The following ZNF532 variants were observed in gnomAD, a reference collection of about 807,000 sequenced individuals.
ZNF532 encodes the protein zinc finger protein 532.
A neutral mutation model predicts 89.3 loss-of-function variants in ZNF532; 22 were observed. The ratio of observed to expected loss-of-function variants is 0.25; its 90% CI spans 0.18 to 0.35. ZNF532 has a LOEUF of 0.35. Ranked by LOEUF, ZNF532 falls within the 10% of genes least tolerant of loss-of-function variation. The pLI is 1.00. For synonymous variants in ZNF532, 606 were observed against 649.6 expected (o/e 0.93, Z 1.02); for missense variants, 1,132 against 1,643.4 (o/e 0.69, Z 5.38).
chr18:58,962,040 A>G (rs925611818), intron 7 of ZNF532, among the ~76,000 whole-genome samples: 6 of 152,142 alleles, frequency 3.9e-5, no homozygotes, highest in Non-Finnish European at 7.4e-5. Flanking sequence ...AGCCTGGCCA[A>G]TATGGTGAAA....
At chr18:58,888,912 T>TATAA (rs1194564362) in intron 2 of ZNF532, among the ~76,000 whole-genome samples, 3 of 92,738 alleles carry the variant, frequency 3.2e-5, no homozygotes, top group East Asian at 2.8e-4. Flanking sequence ...TATATATATA[T>TATAA]AATTCATACA....
Position 58,981,620 on chromosome 18 carries a change from C to G in ZNF532, c.3411+3C>G. The G allele has an allele frequency of 6.2e-7, 1 of 1,614,020 alleles. No individual in the cohort carries two copies. Among genetic ancestry groups the G allele is most frequent in the East Asian group, 2.2e-5 (1 of 44,840 alleles). ...CAGAAATAAAAGAAGACACTAAGGT[C>G]TAACATTGCAGATGTTTGCTTTACA... On this transcript the variant is annotated splice_donor_region_variant and intron_variant, in intron 9 of 9. Coordinates refer to ENST00000591808, the MANE Select transcript of ZNF532 (RefSeq NM_001375912.1).
At chr18:58,964,531 TTGTTTGTGTGTGTGTGTGTGTGTGTG>T (rs1490411698) in intron 7 of ZNF532, among the ~76,000 whole-genome samples, 1 of 136,914 alleles carries the variant, frequency 7.3e-6, no homozygotes, top group Non-Finnish European at 1.5e-5. Flanking sequence ...AATTGATATT[TTGTTTGTGTGTGTGTGTGTGTGTGTG>T]TGTGTGTGTG....
At chr18:58,907,558 C>T (rs367662218) in intron 2 of ZNF532, among the ~76,000 whole-genome samples, 23 of 151,698 alleles carry the variant, frequency 1.5e-4, no homozygotes, top group Non-Finnish European at 2.4e-4. Context: ...TGCAGTGGTG[C>T]GATCCCGGCG....
At chr18:58,873,641 A>G (rs950741913) in intron 2 of ZNF532, among the ~76,000 whole-genome samples, 1 of 151,868 alleles carries the variant, frequency 6.6e-6, no homozygotes, top group African/African-American at 2.4e-5. Context: ...TTTAGTAGAG[A>G]CGGGGTAACA....
chr18:58,970,159 C>T (rs912663942), intron 7 of ZNF532, among the ~76,000 whole-genome samples: 3 of 152,200 alleles, frequency 2.0e-5, no homozygotes, highest in Non-Finnish European at 4.4e-5. Flanking sequence ...CCTGGGATTA[C>T]AGGCGTGAGC....
At chr18:58,900,587 C>T (rs1472409359) in intron 2 of ZNF532, among the ~76,000 whole-genome samples, 2 of 152,182 alleles carry the variant, frequency 1.3e-5, no homozygotes, top group East Asian at 1.9e-4. Flanking sequence ...TCCTACCAGA[C>T]CTTAGGACGG....
Position 58,984,758 on chromosome 18 carries a change from T to A in ZNF532, c.*292T>A. 4.4e-6 allele frequency: 1 copy of A among 226,638 alleles called. No individual in the cohort carries two copies. Among genetic ancestry groups the A allele is most frequent in the South Asian group, 9.8e-5 (1 of 10,220 alleles). The allele number at this position is 226,638 out of a possible 1,614,324, so 14.0% of individuals were successfully genotyped here. On this transcript the variant is annotated 3_prime_UTR_variant, in exon 10 of 10. Coordinates refer to ENST00000591808, the MANE Select transcript of ZNF532 (RefSeq NM_001375912.1). ...TTTGAGTTGTTTTGGGTTAGAATTTTTCTTTTTGTACTGTTTCTTTAAAAC... is the reference window on the plus strand; with the variant it reads ...TTTGAGTTGTTTTGGGTTAGAATTTATCTTTTTGTACTGTTTCTTTAAAAC...
chr18:58,984,462 A>C lies in ZNF532; in HGVS notation c.3902A>C (p.Lys1301Thr), dbSNP rs200279390. Residue 1301 changes from lysine to threonine, a missense_variant, in exon 10 of 10, where the codon AAA becomes ACA. By Grantham distance (78) the Lys-to-Thr change is moderately conservative. Transcript: ENST00000591808. ...TCCAAAAGGATGAGCTCAGCCGAGA[A>C]ATAGCCACAGATGCTCCATGAGGAA... ...IKSKRMSSAE[K>T] is the part of the protein sequence containing the mutation. The C allele has an allele frequency of 8.5e-4, 1,358 of 1,606,970 alleles. No homozygotes were observed. Among genetic ancestry groups the C allele is most frequent in the Non-Finnish European group, 1.0e-3 (1,230 of 1,175,876 alleles).
intron 6 of ZNF532, among the ~76,000 whole-genome samples, chr18:58,951,067 A>C (rs1303929169): frequency 6.6e-6 from 1 of 151,818 alleles, no homozygotes; most frequent in Admixed American, 6.6e-5. Context: ...GTGATCCTCC[A>C]ACCTCAGCCC....
In ZNF532 at chr18:58,924,551, G is replaced by T. The variant is rs576532785; in HGVS notation, c.2346+3918G>T. ...GTTTACTGGGTCTGGAGAAAGGTAT[G>T]ACTTCATTAGCGGAGGGACCTCCTT... On this transcript the variant is annotated intron_variant, in intron 3 of 9. Transcript: ENST00000591808. Among the ~76,000 whole-genome samples the T allele has an allele frequency of 3.3e-5, 5 of 152,328 alleles. No homozygotes were observed. In the South Asian group the frequency reaches 1.0e-3, roughly 32 times the overall value.
chr18:58,893,429 G>A (rs2059037525), intron 2 of ZNF532, among the ~76,000 whole-genome samples: 1 of 152,112 alleles, frequency 6.6e-6, no homozygotes, highest in Non-Finnish European at 1.5e-5. Context: ...CACTTTGGGA[G>A]GCTGAGATGG....
At chr18:58,941,833 C>G (rs1306483812) in intron 5 of ZNF532, among the ~76,000 whole-genome samples, 1 of 147,960 alleles carries the variant, frequency 6.8e-6, no homozygotes, top group South Asian at 2.1e-4. Context: ...TTTCTTTTCT[C>G]TCTTCCCCTC....
At chr18:58,941,668 C>G (rs980212715) in intron 5 of ZNF532, among the ~76,000 whole-genome samples, 1 of 151,810 alleles carries the variant, frequency 6.6e-6, no homozygotes, top group African/African-American at 2.4e-5. Flanking sequence ...GGGATTTTGC[C>G]GTGTTGCCAA....
intron 2 of ZNF532, among the ~76,000 whole-genome samples, chr18:58,897,749 T>G (rs537235377): frequency 1.8e-3 from 272 of 152,148 alleles, no homozygotes; most frequent in African/African-American, 4.4e-3. Context: ...GATCAGGAGT[T>G]TGAGACCAGC....
chr18:58,889,428 A>C (rs949572072), intron 2 of ZNF532, among the ~76,000 whole-genome samples: 2 of 152,248 alleles, frequency 1.3e-5, no homozygotes, highest in Non-Finnish European at 2.9e-5. Flanking sequence ...TACAGTTAGT[A>C]AGAAAACAGC....
chr18:58,907,501 G>GT lies in ZNF532; in HGVS notation c.-17-10760dup, dbSNP rs540706105. ...ACTGCACCCAGCCGAGAAGTTTTTTGTTTTTTTTTTGAGATGGAGTTTCAC... is the reference window on the plus strand; with the variant it reads ...ACTGCACCCAGCCGAGAAGTTTTTTGTTTTTTTTTTTGAGATGGAGTTTCAC... On this transcript the variant is annotated intron_variant, in intron 2 of 9. Coordinates refer to ENST00000591808, the MANE Select transcript of ZNF532 (RefSeq NM_001375912.1). Among the ~76,000 whole-genome samples the GT allele has an allele frequency of 7.0e-4, 103 of 147,066 alleles. 1 individual carries two copies. In the South Asian group the frequency reaches 0.01, roughly 14 times the overall value.
At chr18:58,942,297 C>T (rs932887001) in intron 5 of ZNF532, among the ~76,000 whole-genome samples, 3 of 145,508 alleles carry the variant, frequency 2.1e-5, no homozygotes, top group Non-Finnish European at 3.0e-5. Context: ...GCTGGGATTA[C>T]AGGCGTGAGC....
intron 2 of ZNF532, among the ~76,000 whole-genome samples, chr18:58,897,656 T>C (rs1165079646): frequency 6.6e-6 from 1 of 152,152 alleles, no homozygotes; most frequent in Non-Finnish European, 1.5e-5. Context: ...AGGGAAGAGA[T>C]GTAAAGTTAA....
Sources: gnomAD v4.1 joint callset for allele counts (sites outside exome capture counted in the v4.1 genomes callset) on GRCh38, gnomAD v4.1.1 for gene constraint, MANE v1.5 for transcripts, NCBI Gene and HGNC (gene_info 2026-07-23, HGNC 2026-07-21) for gene names.